Variants in RPL13A observed in about 807,000 individuals in gnomAD.
The protein encoded by RPL13A is large ribosomal subunit protein uL13.
Under a neutral mutation model 30.8 loss-of-function variants are expected in RPL13A, and 4 were observed. The observed-to-expected ratio is 0.13, with a 90% confidence interval of 0.06 to 0.30. RPL13A has a LOEUF of 0.30. Ranked by LOEUF, RPL13A falls within the 10% of genes least tolerant of loss-of-function variation. The pLI is 1.00. For synonymous variants in RPL13A, 108 were observed against 104.2 expected, an observed-to-expected ratio of 1.04 and a Z score of -0.22; for missense variants, 196 against 272.6, an observed-to-expected ratio of 0.72 and a Z score of 1.98.
chr19:49,490,707 G>T, intron 4 of RPL13A, 72 bp from the exon 5 acceptor site: 1 of 1,579,618 alleles, frequency 6.3e-7, no homozygotes, highest in Non-Finnish European at 8.7e-7. Flanking sequence ...CACCCCATGG[G>T]CCCACCTCAG....
At position 49,487,856 on chromosome 19, in the gene RPL13A, C is replaced by A. The variant is rs139537653; in HGVS notation, c.15+212C>A. Among the ~76,000 whole-genome samples, 651 of 152,232 alleles carry A rather than the reference C, an allele frequency of 4.3e-3. 3 individuals carry two copies. The highest frequency in any genetic ancestry group is 0.015 in the African/African-American group (613 of 41,536). On this transcript the variant is annotated intron_variant, in intron 1 of 7. Transcript: ENST00000391857. ...ACAATGTGGCATTTCCTTCTCGAGG[C>A]GAGGGTGATAGAGCTTCCAGCACAG...
chr19:49,491,159 TG>T (rs34980269), intron 6 of RPL13A, 60 bp downstream of exon 6: 3 of 1,576,318 alleles, frequency 1.9e-6, no homozygotes, highest in South Asian at 1.1e-5. Flanking sequence ...CTGAGGGACC[TG>T]GGGACCTGGA....
rs777723829 is a variant in RPL13A at position 49,491,709 on chromosome 19, C to T, written c.526-20C>T. The T allele has an allele frequency of 6.2e-7, 1 of 1,610,990 alleles. No homozygotes were observed. The highest frequency in any genetic ancestry group is 8.5e-7 in the Non-Finnish European group (1 of 1,178,194). On this transcript the variant is annotated intron_variant, in intron 7 of 7. Transcript: ENST00000391857. The stretch of plus-strand genomic sequence containing the variant: ...ATGCAACCCCTCCTGACCACCACCA[C>T]CTGCACTTATTCTTGGCAGAGGCTA...
In RPL13A at chr19:49,489,894, G is replaced by A. The variant is rs61738922; in HGVS notation, c.60G>A (p.Ala20=). The change falls in exon 2 of 8, where the codon GCG becomes GCA. Residue 20 remains alanine (A), a synonymous_variant. Coordinates refer to ENST00000391857, the MANE Select transcript of RPL13A (RefSeq NM_012423.4). The part of the protein sequence containing the change: ...DGRGHLLGRL[A]AIVAKQVLLG... The stretch of plus-strand genomic sequence containing the variant: ...GAGGCCATCTCCTGGGCCGCCTGGC[G>A]GCCATCGTGGCTAAACAGGTACTGC... 784 of 1,614,122 alleles carry A rather than the reference G, an allele frequency of 4.9e-4. 1 individual carries two copies. The highest frequency in any genetic ancestry group is 4.1e-3 in the African/African-American group (308 of 75,056).
chr19:49,489,536 G>GA (rs2079843315), intron 1 of RPL13A, among the ~76,000 whole-genome samples: 1 of 152,204 alleles, frequency 6.6e-6, no homozygotes, highest in African/African-American at 2.4e-5. Context: ...TCAGTGGGCA[G>GA]AGCCTTGCTG....
chr19:49,490,346 G>A (rs1028725926), intron 3 of RPL13A, 49 bp downstream of exon 3: 1 of 1,602,528 alleles, frequency 6.2e-7, no homozygotes, highest in East Asian at 2.2e-5. Flanking sequence ...CCTGTGGGGT[G>A]TTGAGGCTCT....
chr19:49,490,990 T>C, intron 5 of RPL13A, 50 bp from the exon 6 acceptor site: 2 of 1,612,250 alleles, frequency 1.2e-6, no homozygotes, highest in Non-Finnish European at 1.7e-6. Flanking sequence ...GCCGACCTCC[T>C]TCCCTGTCTG....
chr19:49,490,085 C>T, intron 2 of RPL13A, 147 bp from the exon 3 acceptor site: 1 of 1,040,866 alleles, frequency 9.6e-7, no homozygotes. Context: ...ACTCCAGGCT[C>T]AAGAAGTAAT....
rs2079859913 is a variant in RPL13A, at chr19:49,490,878, A to G, written c.342+14A>G. 4 of 1,614,080 alleles carry G rather than the reference A, an allele frequency of 2.5e-6. No individual in the cohort carries two copies. The highest frequency in any genetic ancestry group is 4.5e-5 in the East Asian group (2 of 44,892). On this transcript the variant is annotated intron_variant, in intron 5 of 7. Coordinates refer to ENST00000391857, the MANE Select transcript of RPL13A (RefSeq NM_012423.4). Reference sequence around the variant, plus strand: ...CCCTACGACAAGGTGAGCTATGCCAAACCCCACAGGCAGCGGCCTTACCTG... The same window carrying G: ...CCCTACGACAAGGTGAGCTATGCCAGACCCCACAGGCAGCGGCCTTACCTG...
chr19:49,490,158 C>G, intron 2 of RPL13A, 74 bp from the exon 3 acceptor site: 2 of 1,401,712 alleles, frequency 1.4e-6, no homozygotes, highest in Admixed American at 1.7e-5. Context: ...TGCGCTGTGT[C>G]TGGAGGGTGA....
rs375798855 is a variant in RPL13A at position 49,491,239 on chromosome 19, A to G, written c.402+140A>G. ...CCCTGTGGGAATGGCGACAATGCCA[A>G]TGGCTTAGCTGATGCCAGGAGGCTT... On this transcript the variant is annotated intron_variant, in intron 6 of 7. Coordinates refer to ENST00000391857, the MANE Select transcript of RPL13A (RefSeq NM_012423.4). The G allele has an allele frequency of 2.5e-5, 31 of 1,224,734 alleles. No individual in the cohort carries two copies. The African/African-American group carries it at 2.9e-4, about 12-fold the overall frequency. 75.9% of individuals were successfully genotyped at this position (1,224,734 alleles called of 1,614,324 possible).
intron 1 of RPL13A, among the ~76,000 whole-genome samples, chr19:49,488,950 C>T (rs1487049520): frequency 6.6e-6 from 1 of 150,964 alleles, no homozygotes. Flanking sequence ...AACTGATCTG[C>T]CCACCTAGGC....
In RPL13A at chr19:49,491,994, C is replaced by CGGGAGAATTGTGAAAGCACTTT. The variant is rs2079876248; in HGVS notation, c.*181_*182insGAGAATTGTGAAAGCACTTTGG. ...CCTCCCGAAGTTGCTTGAAAGCACT[C>CGGGAGAATTGTGAAAGCACTTT]GGAGAATTGTGCAGGTGTCATTTAT... is the stretch of plus-strand genomic sequence containing the variant. On this transcript the variant is annotated 3_prime_UTR_variant, in exon 8 of 8. Coordinates refer to ENST00000391857, the MANE Select transcript of RPL13A (RefSeq NM_012423.4). 1 of 587,376 alleles carries CGGGAGAATTGTGAAAGCACTTT rather than the reference C, an allele frequency of 1.7e-6. No individual in the cohort carries two copies. Among genetic ancestry groups the CGGGAGAATTGTGAAAGCACTTT allele is most frequent in the African/African-American group, 1.9e-5 (1 of 53,622 alleles). The allele number at this position is 587,376 out of a possible 1,614,324, so 36.4% of individuals were successfully genotyped here.
intron 6 of RPL13A, 125 bp from the exon 7 acceptor site, chr19:49,491,300 G>A: frequency 8.6e-7 from 1 of 1,157,020 alleles, no homozygotes; most frequent in Non-Finnish European, 1.3e-6. Context: ...GCAGAGAACA[G>A]TTGCATTATG....
At chr19:49,488,351 A>C (rs997885768) in intron 1 of RPL13A, among the ~76,000 whole-genome samples, 1 of 152,056 alleles carries the variant, frequency 6.6e-6, no homozygotes, top group Non-Finnish European at 1.5e-5. Flanking sequence ...GTAGCTACTT[A>C]AGTATAAAGG....
At chr19:49,488,980 A>ACAGGCTCC (rs1568686317) in intron 1 of RPL13A, among the ~76,000 whole-genome samples, 1 of 152,222 alleles carries the variant, frequency 6.6e-6, no homozygotes, top group African/African-American at 2.4e-5. Context: ...TGCTGGGATT[A>ACAGGCTCC]CAGGCGTGAG....
rs1234901091 is a variant in RPL13A, at chr19:49,490,088, G to A, written c.89-144G>A. 7 of 1,044,782 alleles carry A rather than the reference G, an allele frequency of 6.7e-6. No homozygotes were observed. The Admixed American group carries it at 1.0e-4, about 15-fold the overall frequency. The allele number at this position is 1,044,782 out of a possible 1,614,324, so 64.7% of individuals were successfully genotyped here. On this transcript the variant is annotated intron_variant, in intron 2 of 7. Coordinates refer to ENST00000391857, the MANE Select transcript of RPL13A (RefSeq NM_012423.4). ...CCAGGGTTGGGGACTCCAGGCTCAAGAAGTAATTATGTATTAGGCTAGTTT... is the reference window on the plus strand; with the variant it reads ...CCAGGGTTGGGGACTCCAGGCTCAAAAAGTAATTATGTATTAGGCTAGTTT...
intron 6 of RPL13A, 94 bp from the exon 7 acceptor site, chr19:49,491,331 C>T (rs1224248998): frequency 1.6e-6 from 2 of 1,282,096 alleles, no homozygotes; most frequent in African/African-American, 1.4e-5. Context: ...CTGTCAGTCA[C>T]CTCCCAGCTC....
chr19:49,491,340 T>C, intron 6 of RPL13A, 85 bp from the exon 7 acceptor site: 1 of 1,322,094 alleles, frequency 7.6e-7, no homozygotes, highest in South Asian at 1.2e-5. Flanking sequence ...ACCTCCCAGC[T>C]CTCAACAGCT....
Sources: allele counts gnomAD v4.1 joint callset (sites outside exome capture counted in the v4.1 genomes callset), GRCh38; gene constraint gnomAD v4.1.1; transcripts MANE v1.5; gene names NCBI Gene and HGNC (gene_info 2026-07-23, HGNC 2026-07-21).